Variants in CCDC102B observed in about 807,000 individuals in gnomAD.
CCDC102B encodes coiled-coil domain containing 102B.
Under a neutral mutation model 57.4 loss-of-function variants are expected in CCDC102B, and 75 were observed. The observed-to-expected ratio is 1.31, with a 90% confidence interval of 1.08 to 1.58. The LOEUF (loss-of-function observed/expected upper bound fraction) is 1.58, where lower values mean the gene tolerates loss of function less well. CCDC102B is among the 40% of genes most tolerant of loss of function. CCDC102B has a pLI of 0.00. For synonymous variants in CCDC102B, 206 were observed against 201.9 expected, an observed-to-expected ratio of 1.02 and a Z score of -0.17; for missense variants, 636 against 582.6, an observed-to-expected ratio of 1.09 and a Z score of -0.94.
chr18:68,964,887 C>T (rs1263294659), intron 6 of CCDC102B, among the ~76,000 whole-genome samples: 3 of 151,758 alleles, frequency 2.0e-5, no homozygotes, highest in Admixed American at 2.0e-4. Context: ...TCCCTCAGTT[C>T]TCTTTTCCTC....
chr18:68,875,707 G>A (rs906425295), intron 5 of CCDC102B, among the ~76,000 whole-genome samples: 2 of 152,034 alleles, frequency 1.3e-5, no homozygotes, highest in Non-Finnish European at 2.9e-5. Context: ...GCATCTCTGA[G>A]TGTCAGTCTC....
intron 6 of CCDC102B, among the ~76,000 whole-genome samples, chr18:68,976,243 A>C (rs1262414188): frequency 6.6e-6 from 1 of 152,020 alleles, no homozygotes; most frequent in African/African-American, 2.4e-5. Flanking sequence ...ATAAATCTTA[A>C]GTGTCAATAT....
intron 2 of CCDC102B, among the ~76,000 whole-genome samples, chr18:68,778,282 A>G (rs1012196179): frequency 2.0e-5 from 3 of 152,118 alleles, no homozygotes; most frequent in Non-Finnish European, 4.4e-5. Flanking sequence ...AACACCATCC[A>G]TCTTTTTCTA....
At chr18:68,830,914 G>T (rs989929917) in intron 1 of CCDC102B, among the ~76,000 whole-genome samples, 3 of 151,806 alleles carry the variant, frequency 2.0e-5, no homozygotes, top group African/African-American at 7.3e-5. Flanking sequence ...CCAGAAAACA[G>T]GAATTTTATT....
intron 2 of CCDC102B, among the ~76,000 whole-genome samples, chr18:68,778,565 G>T (rs1330570341): frequency 1.3e-5 from 2 of 152,028 alleles, no homozygotes; most frequent in Non-Finnish European, 2.9e-5. Flanking sequence ...AACAAACAAA[G>T]ACTAAGTCAC....
chr18:68,834,197 TCAATGTAC>T (rs1477968083), intron 1 of CCDC102B, among the ~76,000 whole-genome samples: 2 of 152,042 alleles, frequency 1.3e-5, no homozygotes, highest in East Asian at 3.9e-4. Context: ...AGGCAAGATC[TCAATGTAC>T]CAGAATCCAA....
intron 7 of CCDC102B, among the ~76,000 whole-genome samples, chr18:69,021,367 G>T (rs1445330855): frequency 6.6e-6 from 1 of 152,132 alleles, no homozygotes; most frequent in East Asian, 1.9e-4. Context: ...AGATTAAAAA[G>T]AAATCAGAAA....
At chr18:68,836,710 A>G in intron 1 of CCDC102B, 39 bp from the exon 2 acceptor site, 1 of 1,518,684 alleles carries the variant, frequency 6.6e-7, no homozygotes, top group South Asian at 1.2e-5. Flanking sequence ...TTTACAAGGG[A>G]AATTTCAGCG....
intron 5 of CCDC102B, among the ~76,000 whole-genome samples, chr18:68,880,358 G>A (rs1417570893): frequency 6.6e-6 from 1 of 152,214 alleles, no homozygotes; most frequent in Non-Finnish European, 1.5e-5. Context: ...CGCAGCCCCG[G>A]TTCCTGCTCG....
intron 6 of CCDC102B, among the ~76,000 whole-genome samples, chr18:68,973,889 A>G (rs2050365735): frequency 6.6e-6 from 1 of 152,136 alleles, no homozygotes; most frequent in South Asian, 2.1e-4. Context: ...AAATGGTGAT[A>G]GAACTGCTAT....
intron 7 of CCDC102B, among the ~76,000 whole-genome samples, chr18:69,018,032 C>G (rs950010904): frequency 9.3e-5 from 14 of 151,300 alleles, no homozygotes; most frequent in Non-Finnish European, 1.9e-4. Context: ...ATAACTTATC[C>G]GTTTCTGTGT....
chr18:68,745,289 G>A (rs1599399279), intron 2 of CCDC102B, among the ~76,000 whole-genome samples: 1 of 151,902 alleles, frequency 6.6e-6, no homozygotes, highest in African/African-American at 2.4e-5. Context: ...CCTGGCTCAC[G>A]TAGGGCAAGC....
intron 6 of CCDC102B, among the ~76,000 whole-genome samples, chr18:68,903,567 T>C (rs1308496546): frequency 6.6e-6 from 1 of 152,220 alleles, no homozygotes; most frequent in Non-Finnish European, 1.5e-5. Flanking sequence ...ACTGATTTGC[T>C]TTGTCCAACA....
intron 6 of CCDC102B, among the ~76,000 whole-genome samples, chr18:68,956,938 T>C (rs1599751337): frequency 6.6e-6 from 1 of 151,970 alleles, no homozygotes; most frequent in East Asian, 1.9e-4. Context: ...TTTTGAGGAA[T>C]GTCTGTTCAG....
chr18:68,979,698 CCTCTT>C (rs2050527818), intron 6 of CCDC102B, among the ~76,000 whole-genome samples: 2 of 152,126 alleles, frequency 1.3e-5, no homozygotes, highest in East Asian at 3.9e-4. Context: ...TTTGCAAAGA[CCTCTT>C]CACTTCCATG....
chr18:68,747,816 C>T (rs998760801), intron 2 of CCDC102B, among the ~76,000 whole-genome samples: 1 of 152,088 alleles, frequency 6.6e-6, no homozygotes, highest in Middle Eastern at 3.2e-3. Flanking sequence ...AATAATGTTG[C>T]GATGAACATG....
At chr18:68,722,729 A>G (rs2032405032) in intron 2 of CCDC102B, among the ~76,000 whole-genome samples, 1 of 152,198 alleles carries the variant, frequency 6.6e-6, no homozygotes, top group Non-Finnish European at 1.5e-5. Flanking sequence ...GAAGCGAGAG[A>G]AATACAAACT....
intron 2 of CCDC102B, among the ~76,000 whole-genome samples, chr18:68,790,476 A>C (rs956182192): frequency 2.0e-5 from 3 of 151,900 alleles, no homozygotes; most frequent in Non-Finnish European, 2.9e-5. Context: ...GCTAGCAATC[A>C]GCGAGACTCC....
intron 7 of CCDC102B, among the ~76,000 whole-genome samples, chr18:69,038,616 C>T (rs2052354858): frequency 6.6e-6 from 1 of 151,886 alleles, no homozygotes; most frequent in Non-Finnish European, 1.5e-5. Flanking sequence ...GTGATAATTT[C>T]CACTAACTTT....
Sources: gnomAD v4.1 joint callset for allele counts (sites outside exome capture counted in the v4.1 genomes callset) on GRCh38, gnomAD v4.1.1 for gene constraint, MANE v1.5 for transcripts, NCBI Gene and HGNC (gene_info 2026-07-23, HGNC 2026-07-21) for gene names.